Variants in PCDH11Y observed in about 807,000 individuals in gnomAD.
The protein encoded by PCDH11Y is protocadherin-11 Y-linked.
For missense variants in PCDH11Y, 12 were observed against 224.8 expected (o/e 0.05, Z 6.05); for synonymous variants, 9 against 83.6 (o/e 0.11, Z 4.87).
At chrY:5,195,819 C>T in intron 2 of PCDH11Y, among the ~76,000 whole-genome samples, 1 of 31,485 alleles carries the variant, frequency 3.2e-5, no homozygotes, top group Non-Finnish European at 7.7e-5. Flanking sequence ...TTTAGTAAAA[C>T]AAAATAATTC....
At chrY:5,157,429 T>C in intron 2 of PCDH11Y, among the ~76,000 whole-genome samples, 1 of 31,744 alleles carries the variant, frequency 3.2e-5, no homozygotes. Flanking sequence ...ACATTCTTAA[T>C]GGCCCTTTCG....
intron 2 of PCDH11Y, among the ~76,000 whole-genome samples, chrY:5,262,148 G>A: frequency 6.1e-5 from 2 of 33,034 alleles, no homozygotes; most frequent in African/African-American, 2.4e-4. Flanking sequence ...TGGTATTTCT[G>A]GTCCTAGATC....
intron 2 of PCDH11Y, among the ~76,000 whole-genome samples, chrY:5,328,068 G>A (rs1602905276): frequency 5.9e-5 from 2 of 33,658 alleles, no homozygotes; most frequent in Non-Finnish European, 1.5e-4. Flanking sequence ...CCGGTAAGCC[G>A]AGAAGGAGTC....
rs2124707144 is a variant in PCDH11Y at position 5,660,476 on chromosome Y, C to G, written c.3353-76796C>G. Among the ~76,000 whole-genome samples, 7 of 30,022 alleles carry G rather than the reference C, an allele frequency of 2.3e-4. No individual in the cohort carries two copies. In the South Asian group the frequency reaches 5.8e-3, roughly 25 times the overall value. The allele number at this position is 30,022 out of a possible 37,273, so 80.5% of individuals were successfully genotyped here. A position where few individuals can be genotyped will look rare whatever the true frequency, so the allele number is the denominator to read the frequency against. ...ATGGGCGATTCCCTTCTTGTAAGGA[C>G]TGGTCCAAATGCTCCCTCTGTGCAG... On this transcript the variant is annotated intron_variant, in intron 4 of 4. Coordinates refer to the PCDH11Y transcript ENST00000400457.
chrY:5,320,655 T>C, intron 2 of PCDH11Y, among the ~76,000 whole-genome samples: 1 of 33,661 alleles, frequency 3.0e-5, no homozygotes, highest in Non-Finnish European at 7.4e-5. Flanking sequence ...ACAGTGGGCA[T>C]CAAAGACACG....
intron 2 of PCDH11Y, among the ~76,000 whole-genome samples, chrY:5,154,634 T>TGC (rs2052867620): frequency 6.4e-5 from 2 of 31,495 alleles, no homozygotes; most frequent in African/African-American, 2.5e-4. Context: ...GTGGTGTGTG[T>TGC]GTGTGTGTGT....
chrY:5,288,311 G>T (rs2053062673), intron 2 of PCDH11Y, among the ~76,000 whole-genome samples: 1 of 33,581 alleles, frequency 3.0e-5, no homozygotes, highest in Non-Finnish European at 7.3e-5. Context: ...CTTTGGATGA[G>T]AATTTACTTG....
At chrY:5,003,424 C>A (rs1365276944) in intron 1 of PCDH11Y, among the ~76,000 whole-genome samples, 151 of 32,518 alleles carry the variant, frequency 4.6e-3, no homozygotes, top group African/African-American at 9.8e-3. Flanking sequence ...AAAAAAAAAA[C>A]CCCCGTGGCT....
At chrY:5,361,581 A>G in intron 2 of PCDH11Y, among the ~76,000 whole-genome samples, 2 of 24,223 alleles carry the variant, frequency 8.3e-5, no homozygotes, top group African/African-American at 1.6e-4. Context: ...TTCTTGAGAC[A>G]GAATCTCATA....
At chrY:5,623,060 A>G in intron 4 of PCDH11Y, 1 of 117,511 alleles carries the variant, frequency 8.5e-6, no homozygotes, top group Non-Finnish European at 1.8e-5. Context: ...TCAAATTAAA[A>G]ATAAGAAAAT....
At chrY:5,560,400 T>C (rs1602943262) in intron 3 of PCDH11Y, among the ~76,000 whole-genome samples, 6 of 33,565 alleles carry the variant, frequency 1.8e-4, no homozygotes, top group African/African-American at 7.0e-4. Flanking sequence ...AGCTGTATGT[T>C]AATCACCAAG....
intron 2 of PCDH11Y, among the ~76,000 whole-genome samples, chrY:5,263,959 A>G: frequency 2.7e-4 from 9 of 33,195 alleles, no homozygotes. Flanking sequence ...CTGGTATTCT[A>G]TTGTACTATG....
At chrY:5,406,825 C>G in intron 2 of PCDH11Y, among the ~76,000 whole-genome samples, 1 of 33,004 alleles carries the variant, frequency 3.0e-5, no homozygotes, top group Non-Finnish European at 7.4e-5. Context: ...AAATGCCTCT[C>G]TTAACAGTAG....
downstream of PCDH11Y, among the ~76,000 whole-genome samples, chrY:5,101,936 G>C: frequency 1.2e-4 from 4 of 33,191 alleles, no homozygotes; most frequent in Admixed American, 1.1e-3. Context: ...TTGGAAATGG[G>C]TTTAAGAATG....
At chrY:5,549,651 G>A (rs2053416708) in intron 3 of PCDH11Y, among the ~76,000 whole-genome samples, 11 of 33,400 alleles carry the variant, frequency 3.3e-4, no homozygotes, top group African/African-American at 8.1e-4. Flanking sequence ...AGAGGAACAC[G>A]CACACAAATG....
At chrY:5,403,344 G>C (rs2053235698) in intron 2 of PCDH11Y, among the ~76,000 whole-genome samples, 1 of 33,153 alleles carries the variant, frequency 3.0e-5, no homozygotes, top group Non-Finnish European at 7.4e-5. Flanking sequence ...ATCAAATAGA[G>C]TCACAACTTC....
intron 2 of PCDH11Y, among the ~76,000 whole-genome samples, chrY:5,487,385 G>A (rs2053334933): frequency 3.1e-5 from 1 of 31,843 alleles, no homozygotes; most frequent in Non-Finnish European, 7.6e-5. Context: ...TTTTAGTAGA[G>A]ACAGGGTTTC....
At chrY:5,650,221 T>C (rs2053530341) in intron 4 of PCDH11Y, among the ~76,000 whole-genome samples, 2 of 32,917 alleles carry the variant, frequency 6.1e-5, no homozygotes, top group Non-Finnish European at 1.5e-4. Flanking sequence ...AACACTTCAA[T>C]GAAGCTCCCA....
chrY:5,050,960 T>C, intron 3 of PCDH11Y, among the ~76,000 whole-genome samples: 1 of 31,740 alleles, frequency 3.2e-5, no homozygotes, highest in African/African-American at 1.2e-4. Context: ...ACATCACCTC[T>C]CCATACCCCT....
Sources: allele counts gnomAD v4.1 joint callset (sites outside exome capture counted in the v4.1 genomes callset), GRCh38; gene constraint gnomAD v4.1.1; transcripts MANE v1.5; gene names NCBI Gene and HGNC (gene_info 2026-07-23, HGNC 2026-07-21).